Variants in ARL8B observed in about 807,000 individuals in gnomAD.
ARL8B encodes the protein ARF like GTPase 8B.
A neutral mutation model predicts 30.6 loss-of-function variants in ARL8B; 9 were observed. That is an observed-to-expected ratio of 0.29 (90% CI 0.18 to 0.51). The LOEUF is 0.51. Among genes scored for constraint, ARL8B ranks in the 20% least tolerant of loss-of-function variants. ARL8B has a pLI of 0.97. For synonymous variants in ARL8B, 74 were observed against 76.0 expected, an observed-to-expected ratio of 0.97 and a Z score of 0.14; for missense variants, 130 against 227.2, an observed-to-expected ratio of 0.57 and a Z score of 2.75.
intron 1 of ARL8B, among the ~76,000 whole-genome samples, chr3:5,138,457 C>A (rs931910533): frequency 6.6e-6 from 1 of 152,064 alleles, no homozygotes; most frequent in South Asian, 2.1e-4. Flanking sequence ...GTGTATGTGA[C>A]CTTGTGACCT....
intron 1 of ARL8B, among the ~76,000 whole-genome samples, chr3:5,151,083 T>C (rs2054479399): frequency 6.6e-6 from 1 of 152,112 alleles, no homozygotes; most frequent in South Asian, 2.1e-4. Flanking sequence ...TTTATTTTCC[T>C]TTGTTTATCA....
In ARL8B at chr3:5,179,851, G is replaced by A. The variant is rs888551391; in HGVS notation, c.*1138G>A. 6 of 152,430 alleles carry A rather than the reference G, an allele frequency of 3.9e-5. No homozygotes were observed. Among genetic ancestry groups the A allele is most frequent in the African/African-American group, 1.2e-4 (5 of 41,444 alleles). The allele number at this position is 152,430 out of a possible 1,614,324, so 9.4% of individuals were successfully genotyped here. On this transcript the variant is annotated 3_prime_UTR_variant, in exon 7 of 7. Transcript: ENST00000256496. ...TAATCATGCTCAATGTCTACAGGTTGTTTAATAATCAGTCACACAGAGAAC... is the reference window on the plus strand; with the variant it reads ...TAATCATGCTCAATGTCTACAGGTTATTTAATAATCAGTCACACAGAGAAC...
rs911277505 is a variant in ARL8B at position 5,180,908 on chromosome 3, T to G, written c.*2195T>G. 4 of 152,378 alleles carry G rather than the reference T, an allele frequency of 2.6e-5. No homozygotes were observed. Among genetic ancestry groups the G allele is most frequent in the African/African-American group, 2.4e-5 (1 of 41,436 alleles). 9.4% of individuals were successfully genotyped at this position (152,378 alleles called of 1,614,324 possible). A position where few individuals can be genotyped will look rare whatever the true frequency, so the allele number is the denominator to read the frequency against. ...AAAATAGAAATAAACTTTTAAAATA[T>G]CCACAGAATTGATATTGTGATTTTT... On this transcript the variant is annotated 3_prime_UTR_variant, in exon 7 of 7. Transcript: ENST00000256496.
chr3:5,140,704 G>A (rs1487547640), intron 1 of ARL8B, among the ~76,000 whole-genome samples: 3 of 152,146 alleles, frequency 2.0e-5, no homozygotes, highest in South Asian at 2.1e-4. Flanking sequence ...GCAGCCGTAT[G>A]TATGGAGCTG....
At chr3:5,174,739 TG>T (rs1329398222) in intron 6 of ARL8B, among the ~76,000 whole-genome samples, 2 of 118,526 alleles carry the variant, frequency 1.7e-5, no homozygotes, top group Admixed American at 1.7e-4. Flanking sequence ...GTAATATATA[TG>T]TAATATATAA....
intron 1 of ARL8B, among the ~76,000 whole-genome samples, chr3:5,163,267 G>A (rs2054597179): frequency 6.6e-6 from 1 of 152,086 alleles, no homozygotes; most frequent in Non-Finnish European, 1.5e-5. Context: ...GATTACAGGT[G>A]TGAGCCACCA....
At chr3:5,127,267 T>C (rs974618597) in intron 1 of ARL8B, among the ~76,000 whole-genome samples, 1 of 152,244 alleles carries the variant, frequency 6.6e-6, no homozygotes, top group African/African-American at 2.4e-5. Flanking sequence ...CAGTGTACTT[T>C]CTACTTTTCC....
chr3:5,158,645 C>T (rs2054552439), intron 1 of ARL8B, among the ~76,000 whole-genome samples: 1 of 152,128 alleles, frequency 6.6e-6, no homozygotes, highest in Non-Finnish European at 1.5e-5. Flanking sequence ...ATAACACTGC[C>T]TGTATATCAT....
intron 1 of ARL8B, among the ~76,000 whole-genome samples, chr3:5,167,503 C>T (rs762658278): frequency 5.9e-5 from 9 of 152,178 alleles, no homozygotes; most frequent in Admixed American, 1.3e-4. Flanking sequence ...GTTCTTGGAA[C>T]GTATCCCCCA....
At chr3:5,151,334 T>A (rs543698934) in intron 1 of ARL8B, among the ~76,000 whole-genome samples, 1 of 152,282 alleles carries the variant, frequency 6.6e-6, no homozygotes, top group Non-Finnish European at 1.5e-5. Flanking sequence ...TCCCAGCTAC[T>A]TGGGAGGATG....
chr3:5,170,683 T>G (rs2054664805), intron 2 of ARL8B, 100 bp downstream of exon 2: 1 of 813,274 alleles, frequency 1.2e-6, no homozygotes, highest in Non-Finnish European at 1.9e-6. Context: ...TTGCAGTTTT[T>G]CAGTAATGAA....
At chr3:5,155,965 C>T (rs943391618) in intron 1 of ARL8B, among the ~76,000 whole-genome samples, 1 of 151,572 alleles carries the variant, frequency 6.6e-6, no homozygotes, top group Admixed American at 6.6e-5. Flanking sequence ...TGCAGTGGCG[C>T]GATCTCAGCT....
chr3:5,129,410 C>T (rs1467384673), intron 1 of ARL8B, among the ~76,000 whole-genome samples: 1 of 152,138 alleles, frequency 6.6e-6, no homozygotes, highest in Non-Finnish European at 1.5e-5. Flanking sequence ...TTTTTTAGGA[C>T]AAACATAGTT....
intron 1 of ARL8B, among the ~76,000 whole-genome samples, chr3:5,168,798 C>T (rs2054645298): frequency 6.6e-6 from 1 of 152,316 alleles, no homozygotes; most frequent in South Asian, 2.1e-4. Flanking sequence ...TTTTAGAAAG[C>T]TTTCCATGCA....
chr3:5,125,933 G>C (rs4499578), intron 1 of ARL8B, among the ~76,000 whole-genome samples: 1 of 151,888 alleles, frequency 6.6e-6, no homozygotes, highest in South Asian at 2.1e-4. Context: ...ATGTGTAATT[G>C]GCTTGAATTA....
At chr3:5,154,377 G>A (rs1278813788) in intron 1 of ARL8B, among the ~76,000 whole-genome samples, 2 of 147,802 alleles carry the variant, frequency 1.4e-5, no homozygotes, top group East Asian at 3.9e-4. Flanking sequence ...TGTGTTGCCC[G>A]AGGGTGGAGT....
At chr3:5,125,272 T>C (rs2054220521) in intron 1 of ARL8B, among the ~76,000 whole-genome samples, 1 of 152,188 alleles carries the variant, frequency 6.6e-6, no homozygotes, top group Non-Finnish European at 1.5e-5. Flanking sequence ...GTAACTGTTG[T>C]TATTTGTAAT....
chr3:5,172,636 A>G lies in ARL8B; in HGVS notation c.279-11A>G. 3 of 1,599,370 alleles carry G rather than the reference A, an allele frequency of 1.9e-6. No homozygotes were observed. Among genetic ancestry groups the G allele is most frequent in the Non-Finnish European group, 2.6e-6 (3 of 1,168,162 alleles). On this transcript the variant is annotated splice_polypyrimidine_tract_variant and intron_variant, in intron 3 of 6. Coordinates refer to ENST00000256496, the MANE Select transcript of ARL8B (RefSeq NM_018184.3). Reference sequence around the variant, plus strand: ...AGAGAAGGTATGTTGAGATCACTTCATTTTTTTAAGTTACATGATAGATGC... The same window carrying G: ...AGAGAAGGTATGTTGAGATCACTTCGTTTTTTTAAGTTACATGATAGATGC...
intron 1 of ARL8B, among the ~76,000 whole-genome samples, chr3:5,164,742 G>T (rs1261313986): frequency 6.6e-6 from 1 of 152,096 alleles, no homozygotes; most frequent in Non-Finnish European, 1.5e-5. Context: ...AATATCATTT[G>T]TTGCCATTTT....
Sources: gnomAD v4.1 joint callset for allele counts (sites outside exome capture counted in the v4.1 genomes callset) on GRCh38, gnomAD v4.1.1 for gene constraint, MANE v1.5 for transcripts, NCBI Gene and HGNC (gene_info 2026-07-23, HGNC 2026-07-21) for gene names.